Variants in AOPEP observed in about 807,000 individuals in gnomAD.
The protein encoded by AOPEP is aminopeptidase O (putative).
In AOPEP, 77 loss-of-function variants were observed where a neutral mutation model predicts 98.1. That is an observed-to-expected ratio of 0.78 (90% CI 0.65 to 0.95). The LOEUF (loss-of-function observed/expected upper bound fraction) is 0.95. Ranked by LOEUF, AOPEP falls within the 40% of genes least tolerant of loss-of-function variation. The probability of loss-of-function intolerance (pLI) is 0.00; values close to 1 mark genes in which losing one functional copy is unlikely to be tolerated. For synonymous variants in AOPEP, 346 were observed against 365.3 expected (o/e 0.95, Z 0.60); for missense variants, 1,024 against 1,024.7 (o/e 1.00, Z 0.01).
At chr9:95,128,660 C>T in the AOPEP span, among the ~76,000 whole-genome samples, 2 of 152,194 alleles carry the variant, frequency 1.3e-5, no homozygotes, top group Non-Finnish European at 2.9e-5. Context: ...CTCTTCTGTG[C>T]GCTGTTTTCT....
At chr9:95,100,641 CTTT>C in the AOPEP span, 1 of 229,610 alleles carries the variant, frequency 4.4e-6, no homozygotes, top group Non-Finnish European at 8.6e-6. Flanking sequence ...CTAACAATGC[CTTT>C]TTTTAAGAGA....
At chr9:95,086,595 T>C (rs1378581986) in intron 16 of AOPEP, 87 bp from the exon 17 acceptor site, 1 of 992,668 alleles carries the variant, frequency 1.0e-6, no homozygotes, top group Non-Finnish European at 1.2e-6. Context: ...CTCTTGAAAG[T>C]GGAGAGCAAA....
chr9:94,795,599 C>T (rs1467289578), intron 4 of AOPEP, among the ~76,000 whole-genome samples: 1 of 152,140 alleles, frequency 6.6e-6, no homozygotes, highest in Non-Finnish European at 1.5e-5. Flanking sequence ...AAGGCAAAGA[C>T]AGACATTTGT....
chr9:95,091,478 T>C (rs1587996548), downstream of AOPEP, among the ~76,000 whole-genome samples: 1 of 152,258 alleles, frequency 6.6e-6, no homozygotes. Flanking sequence ...GCTCACTCTG[T>C]GCAGGGCCCA....
intron 3 of AOPEP, among the ~76,000 whole-genome samples, chr9:94,786,258 A>G (rs1315077468): frequency 1.3e-5 from 2 of 152,230 alleles, no homozygotes; most frequent in African/African-American, 4.8e-5. Context: ...ACAGCAAGAT[A>G]CTATGATAAT....
chr9:95,037,466 T>C (rs1040394058), intron 13 of AOPEP, among the ~76,000 whole-genome samples: 6 of 152,366 alleles, frequency 3.9e-5, no homozygotes, highest in Admixed American at 2.6e-4. Flanking sequence ...TCTGAGCTTA[T>C]AGTATACAAG....
intron 5 of AOPEP, among the ~76,000 whole-genome samples, chr9:94,814,805 C>T (rs373988434): frequency 6.6e-5 from 10 of 152,284 alleles, no homozygotes; most frequent in African/African-American, 2.4e-4. Flanking sequence ...TTTGCACTGT[C>T]GGACGTAAGG....
the AOPEP span, among the ~76,000 whole-genome samples, chr9:95,096,936 C>T: frequency 4.6e-5 from 7 of 152,320 alleles, no homozygotes; most frequent in South Asian, 4.1e-4. Flanking sequence ...AGGGAGAGGC[C>T]AGCAGTTACA....
At chr9:94,806,229 T>A (rs1473366600) in intron 5 of AOPEP, among the ~76,000 whole-genome samples, 2 of 152,184 alleles carry the variant, frequency 1.3e-5, no homozygotes, top group African/African-American at 4.8e-5. Context: ...ATGTGCTGCA[T>A]ATTTTTGTTT....
chr9:94,918,430 C>T (rs1389772259), intron 5 of AOPEP, among the ~76,000 whole-genome samples: 2 of 152,182 alleles, frequency 1.3e-5, no homozygotes, highest in Admixed American at 1.3e-4. Context: ...CTCCTGAAGA[C>T]AGAGCTCCTG....
the AOPEP span, chr9:95,101,410 A>T: frequency 4.2e-6 from 2 of 480,254 alleles, no homozygotes; most frequent in African/African-American, 1.9e-5. Context: ...CTGTTCTCCC[A>T]CCCAGGCCTT....
In AOPEP at chr9:94,800,778, C is replaced by T. The variant is rs756668033; in HGVS notation, c.1140C>T (p.His380=). Reference sequence around the variant, plus strand: ...CCAGGCATGTTGGTGTTTGCAGTCACATGGAATACCCCTGCCGCTTCCAGA... The same window carrying T: ...CCAGGCATGTTGGTGTTTGCAGTCATATGGAATACCCCTGCCGCTTCCAGA... ...ANFRHVGVCS[H]MEYPCRFQNA... Residue 380 remains histidine, a synonymous_variant, in exon 5 of 17, where the codon CAC becomes CAT. Coordinates refer to ENST00000375315, the MANE Select transcript of AOPEP (RefSeq NM_001193329.3). The T allele has an allele frequency of 1.9e-6, 3 of 1,614,142 alleles. No individual in the cohort carries two copies. Among genetic ancestry groups the T allele is most frequent in the Non-Finnish European group, 1.7e-6 (2 of 1,179,960 alleles).
the AOPEP span, among the ~76,000 whole-genome samples, chr9:95,146,519 A>C: frequency 6.8e-6 from 1 of 146,630 alleles, no homozygotes; most frequent in Non-Finnish European, 1.5e-5. Context: ...AAAATTGAAA[A>C]CGTAAATAGT....
rs189138548 is a variant in AOPEP at position 94,840,586 on chromosome 9, C to A, written c.1364+39584C>A. 7.9e-5 allele frequency among the ~76,000 whole-genome samples: 12 copies of A among 152,208 alleles called. No homozygotes were observed. The East Asian group carries it at 1.7e-3, about 22-fold the overall frequency. ...TTGTGTAGAATTGGTATTATTTCTT[C>A]TTTAAATGTTTGATATAATTCACAT... On this transcript the variant is annotated intron_variant, in intron 5 of 16. Coordinates refer to ENST00000375315, the MANE Select transcript of AOPEP (RefSeq NM_001193329.3).
intron 2 of AOPEP, among the ~76,000 whole-genome samples, chr9:94,768,282 A>G (rs1330623229): frequency 1.3e-5 from 2 of 152,178 alleles, no homozygotes; most frequent in Admixed American, 6.5e-5. Flanking sequence ...GTCACCTAAC[A>G]GTAGTAACCA....
intron 11 of AOPEP, among the ~76,000 whole-genome samples, chr9:94,989,135 T>C (rs1434703917): frequency 6.6e-6 from 1 of 152,036 alleles, no homozygotes; most frequent in African/African-American, 2.4e-5. Context: ...AGAGTCTTGC[T>C]CTGTCACCCA....
chr9:95,021,691 G>T (rs985012619), intron 13 of AOPEP: 2 of 152,356 alleles, frequency 1.3e-5, no homozygotes, highest in East Asian at 1.9e-4. Flanking sequence ...GCAGGTTTGG[G>T]CTGGGGCCTG....
rs906500089 is a variant in AOPEP, at chr9:94,933,067, C to G, written c.1661+4536C>G. ...CTCTCCCAGACTCTTCATCTCCTCTCTGGCCCTGGGCAGAACTCTTCCCCA... is the reference window on the plus strand; with the variant it reads ...CTCTCCCAGACTCTTCATCTCCTCTGTGGCCCTGGGCAGAACTCTTCCCCA... On this transcript the variant is annotated intron_variant, in intron 7 of 16. Transcript: ENST00000375315. The G allele has an allele frequency of 3.0e-6, 3 of 985,522 alleles. No homozygotes were observed. In the African/African-American group the frequency reaches 5.2e-5, roughly 17 times the overall value. 61.0% of individuals were successfully genotyped at this position (985,522 alleles called of 1,614,324 possible). A position where few individuals can be genotyped will look rare whatever the true frequency, so the allele number is the denominator to read the frequency against.
the AOPEP span, among the ~76,000 whole-genome samples, chr9:95,130,570 A>G: frequency 6.6e-6 from 1 of 152,166 alleles, no homozygotes; most frequent in South Asian, 2.1e-4. Context: ...CTTTCCTGGT[A>G]TTTTCATGTA....
Sources: allele counts gnomAD v4.1 joint callset (sites outside exome capture counted in the v4.1 genomes callset), GRCh38; gene constraint gnomAD v4.1.1; transcripts MANE v1.5; gene names NCBI Gene and HGNC (gene_info 2026-07-23, HGNC 2026-07-21).